The following DESI2 variants were observed in gnomAD, a reference collection of about 807,000 sequenced individuals.
DESI2 encodes the protein deubiquitinase DESI2.
Under a neutral mutation model 24.1 loss-of-function variants are expected in DESI2, and 10 were observed. The observed-to-expected ratio is 0.41, with a 90% CI of 0.26 to 0.70. The LOEUF (loss-of-function observed/expected upper bound fraction) is 0.70. Among genes scored for constraint, DESI2 ranks in the 30% least tolerant of loss-of-function variants. DESI2 has a pLI of 0.29. For missense variants in DESI2, 122 were observed against 234.9 expected (o/e 0.52, Z 3.14); for synonymous variants, 71 against 87.7 (o/e 0.81, Z 1.06).
intron 4 of DESI2, among the ~76,000 whole-genome samples, chr1:244,701,655 C>T (rs1478774988): frequency 6.6e-6 from 1 of 152,154 alleles, no homozygotes; most frequent in Admixed American, 6.5e-5. Context: ...CATTTTCTCC[C>T]TTTTGGAACG....
intron 1 of DESI2, among the ~76,000 whole-genome samples, chr1:244,669,971 T>G (rs966535565): frequency 6.6e-6 from 1 of 151,800 alleles, no homozygotes; most frequent in African/African-American, 2.4e-5. Flanking sequence ...TCTTTTTTTT[T>G]TTTGATAGGG....
Position 244,706,207 on chromosome 1 carries a change from C to A in DESI2, c.*418C>A, listed in dbSNP as rs981307292. On this transcript the variant is annotated 3_prime_UTR_variant, in exon 5 of 5. Coordinates refer to ENST00000302550, the MANE Select transcript of DESI2 (RefSeq NM_016076.5). ...CAGATCTATGGCATAAATAGGCACA[C>A]AAAAAGGTACTTAAACAGTTATAGT... 17 of 182,686 alleles carry A rather than the reference C, an allele frequency of 9.3e-5. No homozygotes were observed. Among genetic ancestry groups the A allele is most frequent in the Non-Finnish European group, 1.8e-4 (15 of 85,690 alleles). The allele number at this position is 182,686 out of a possible 1,614,324, so 11.3% of individuals were successfully genotyped here.
At chr1:244,664,871 C>G (rs1299713413) in intron 1 of DESI2, among the ~76,000 whole-genome samples, 1 of 152,174 alleles carries the variant, frequency 6.6e-6, no homozygotes, top group Non-Finnish European at 1.5e-5. Flanking sequence ...CAGTCCTTCC[C>G]TAGATTTTTC....
chr1:244,653,636 C>T (rs1020019304), intron 1 of DESI2: 6 of 516,842 alleles, frequency 1.2e-5, no homozygotes, highest in African/African-American at 9.9e-5. Context: ...GCTCTGGGCC[C>T]GACCCCTTGG....
intron 1 of DESI2, among the ~76,000 whole-genome samples, chr1:244,685,569 C>T (rs910635435): frequency 2.6e-5 from 4 of 152,082 alleles, no homozygotes; most frequent in African/African-American, 7.2e-5. Context: ...TATCCACGCT[C>T]GGCCCCAGGT....
chr1:244,697,923 G>T (rs979085748), intron 4 of DESI2, among the ~76,000 whole-genome samples: 1 of 152,176 alleles, frequency 6.6e-6, no homozygotes, highest in African/African-American at 2.4e-5. Flanking sequence ...ACATCCTTCA[G>T]TTGTTAGCCT....
At chr1:244,659,623 T>G (rs1169265991) in intron 1 of DESI2, among the ~76,000 whole-genome samples, 2 of 152,212 alleles carry the variant, frequency 1.3e-5, no homozygotes, top group Non-Finnish European at 2.9e-5. Context: ...CCTCCACATC[T>G]GTCCTACCTC....
At chr1:244,663,978 A>C (rs1332600547) in intron 1 of DESI2, among the ~76,000 whole-genome samples, 2 of 143,496 alleles carry the variant, frequency 1.4e-5, no homozygotes, top group East Asian at 2.1e-4. Context: ...AGATTGCGCC[A>C]CTGCACGCCA....
intron 4 of DESI2, among the ~76,000 whole-genome samples, chr1:244,701,596 A>G (rs1677467271): frequency 1.3e-5 from 2 of 152,198 alleles, no homozygotes; most frequent in African/African-American, 2.4e-5. Context: ...CTTGAAACCT[A>G]ATGTTGGAGT....
At chr1:244,684,573 G>A (rs1313063600) in intron 1 of DESI2, among the ~76,000 whole-genome samples, 2 of 151,690 alleles carry the variant, frequency 1.3e-5, no homozygotes, top group East Asian at 3.9e-4. Flanking sequence ...TATCTATCGA[G>A]TTACCTCATT....
At chr1:244,692,560 G>T (rs1468025625) in intron 4 of DESI2, among the ~76,000 whole-genome samples, 1 of 152,090 alleles carries the variant, frequency 6.6e-6, no homozygotes. Context: ...ATAAAGTAAG[G>T]TCTAGGGAAT....
intron 4 of DESI2, among the ~76,000 whole-genome samples, chr1:244,700,296 C>A (rs1677396832): frequency 6.6e-6 from 1 of 152,156 alleles, no homozygotes; most frequent in African/African-American, 2.4e-5. Context: ...TTTCTCCCCA[C>A]AAAATAGTTT....
rs1194616426 is a variant in DESI2, at chr1:244,694,642, G to C, written c.351+2622G>C. The C allele has an allele frequency of 4.8e-6, 4 of 836,878 alleles. No individual in the cohort carries two copies. The African/African-American group carries it at 6.6e-5, about 14-fold the overall frequency. The allele number at this position is 836,878 out of a possible 1,614,324, so 51.8% of individuals were successfully genotyped here. A position where few individuals can be genotyped will look rare whatever the true frequency, so the allele number is the denominator to read the frequency against. On this transcript the variant is annotated intron_variant, in intron 4 of 4. Coordinates refer to ENST00000302550, the MANE Select transcript of DESI2 (RefSeq NM_016076.5). Reference sequence around the variant, plus strand: ...TTGCCACAGGTCAACTTCTGAAGGTGGTAGGCCTTAGAGCCACAGCAGTGG... The same window carrying C: ...TTGCCACAGGTCAACTTCTGAAGGTCGTAGGCCTTAGAGCCACAGCAGTGG...
At chr1:244,678,747 T>A (rs2653160) in intron 1 of DESI2, among the ~76,000 whole-genome samples, 149,145 of 152,314 alleles carry the variant, frequency 0.98, 73,096 homozygotes, top group East Asian at 1. Flanking sequence ...TCTTTTTGGA[T>A]AATATTCTAT....
At chr1:244,682,194 T>C (rs1414102561) in intron 1 of DESI2, among the ~76,000 whole-genome samples, 1 of 152,218 alleles carries the variant, frequency 6.6e-6, no homozygotes. Flanking sequence ...GCTGCTGGCT[T>C]GGGTGGCCAG....
intron 4 of DESI2, among the ~76,000 whole-genome samples, chr1:244,697,058 C>G (rs925501018): frequency 1.8e-4 from 28 of 152,194 alleles, no homozygotes; most frequent in African/African-American, 6.3e-4. Flanking sequence ...CTGCTTTCCT[C>G]TGGACTTTGC....
At chr1:244,705,307 T>C (rs1431657935) in intron 4 of DESI2, among the ~76,000 whole-genome samples, 1 of 152,158 alleles carries the variant, frequency 6.6e-6, no homozygotes, top group African/African-American at 2.4e-5. Context: ...ATTAGCTTGA[T>C]TTCACAGATA....
At chr1:244,695,176 A>G (rs1677167587) in intron 4 of DESI2, among the ~76,000 whole-genome samples, 1 of 152,130 alleles carries the variant, frequency 6.6e-6, no homozygotes, top group Non-Finnish European at 1.5e-5. Flanking sequence ...GAGAAAGACC[A>G]TGTCTCTCTC....
Position 244,691,930 on chromosome 1 carries a change from A to C in DESI2, c.261A>C (p.Lys87Asn). Residue 87 changes from lysine to asparagine, a missense_variant, in exon 4 of 5, where the codon AAA (lysine) becomes AAC (asparagine). Physicochemically the swap from Lys to Asn is moderately conservative, Grantham distance 94. Coordinates refer to ENST00000302550, the MANE Select transcript of DESI2 (RefSeq NM_016076.5). ...ACTTCCTAGAAGATGATATAGAAAA[A>C]ATTGTAGAAGAACTGGGAAAAGAAT... ...STDFLEDDIE[K>N]IVEELGKEYK... 6.2e-7 allele frequency: 1 copy of C among 1,603,162 alleles called. No homozygotes were observed. Among genetic ancestry groups the C allele is most frequent in the Non-Finnish European group, 8.5e-7 (1 of 1,177,816 alleles).
Sources: gnomAD v4.1 joint callset for allele counts (sites outside exome capture counted in the v4.1 genomes callset) on GRCh38, gnomAD v4.1.1 for gene constraint, MANE v1.5 for transcripts, NCBI Gene and HGNC (gene_info 2026-07-23, HGNC 2026-07-21) for gene names.